The following AGAP1 variants were observed in gnomAD, a reference collection of about 807,000 sequenced individuals.
AGAP1 encodes the protein ArfGAP with GTPase domain, ankyrin repeat and PH domain 1.
In AGAP1, 29 loss-of-function variants were observed where a neutral mutation model predicts 105.3. The ratio of observed to expected loss-of-function variants is 0.28; its 90% CI spans 0.21 to 0.38. The LOEUF (loss-of-function observed/expected upper bound fraction) is 0.38, where lower values mean the gene tolerates loss of function less well. Ranked by LOEUF, AGAP1 falls within the 10% of genes least tolerant of loss-of-function variation. The pLI is 1.00. For missense variants in AGAP1, 998 were observed against 1,165.1 expected, an observed-to-expected ratio of 0.86 and a Z score of 2.09; for synonymous variants, 509 against 485.9, an observed-to-expected ratio of 1.05 and a Z score of -0.63.
chr2:235,897,098 T>G (rs2050842927), intron 10 of AGAP1, among the ~76,000 whole-genome samples: 1 of 152,206 alleles, frequency 6.6e-6, no homozygotes, highest in Non-Finnish European at 1.5e-5. Context: ...ATTTGTTTTT[T>G]TGGAGACAAA....
rs2051239189 is a variant in AGAP1 at position 235,905,051 on chromosome 2, T to C, written c.1156-3687T>C. Among the ~76,000 whole-genome samples, 1 of 152,198 alleles carries C rather than the reference T, an allele frequency of 6.6e-6. No homozygotes were observed. The highest frequency in any genetic ancestry group is 1.5e-5 in the Non-Finnish European group (1 of 68,034). On this transcript the variant is annotated intron_variant, in intron 10 of 17. Transcript: ENST00000304032. The surrounding 1 kb of genome is among the most constrained non-coding windows in gnomAD (Gnocchi z 4.2). ...AGAAAACAGATCCCTTAGCCCATGC[T>C]GAGCTAAAGATAAATGGGTTCCCTT...
rs546712053 is a variant in AGAP1 at position 236,113,627 on chromosome 2, C to T, written c.2115-6565C>T. Among the ~76,000 whole-genome samples, 13 of 152,220 alleles carry T rather than the reference C, an allele frequency of 8.5e-5. No homozygotes were observed. Among genetic ancestry groups the T allele is most frequent in the African/African-American group, 2.6e-4 (11 of 41,552 alleles). ...TATGCGGGTAGCAGGTGGGGAGTGT[C>T]CAAGAGAATTGTCTTTGGGATGGAC... On this transcript the variant is annotated intron_variant, in intron 16 of 17. Coordinates refer to ENST00000304032, the MANE Select transcript of AGAP1 (RefSeq NM_001037131.3). The surrounding 1 kb of genome is among the most constrained non-coding windows in gnomAD (Gnocchi z 4.3).
Position 236,124,424 on chromosome 2 carries a change from C to A in AGAP1, c.*302C>A. ...ATAGCACATGGCGCAGGACCCTTGTCCTGGTGGCACAAGGGATGGGGACGC... is the reference window on the plus strand; with the variant it reads ...ATAGCACATGGCGCAGGACCCTTGTACTGGTGGCACAAGGGATGGGGACGC... On this transcript the variant is annotated 3_prime_UTR_variant, in exon 18 of 18. Coordinates refer to ENST00000304032, the MANE Select transcript of AGAP1 (RefSeq NM_001037131.3). The surrounding 1 kb of genome is among the most constrained non-coding windows in gnomAD (Gnocchi z 5.1). 7.2e-6 allele frequency: 3 copies of A among 418,272 alleles called. No individual in the cohort carries two copies. In the South Asian group the frequency reaches 8.8e-5, roughly 12 times the overall value. 25.9% of individuals were successfully genotyped at this position (418,272 alleles called of 1,614,324 possible). A position where few individuals can be genotyped will look rare whatever the true frequency, so the allele number is the denominator to read the frequency against.
At position 235,512,076 on chromosome 2, in the gene AGAP1, A is replaced by T. The variant is rs970236760; in HGVS notation, c.163+17227A>T. On this transcript the variant is annotated intron_variant, in intron 1 of 17. Transcript: ENST00000304032. ...GTGTGAATGCGTATGTGTGAATGTG[A>T]ATGCGTGTGTGAATGTGTGTGTGTG... 3.3e-5 allele frequency among the ~76,000 whole-genome samples: 4 copies of T among 119,642 alleles called. No individual in the cohort carries two copies. In the Admixed American group the frequency reaches 3.6e-4, roughly 11 times the overall value. 78.5% of individuals were successfully genotyped at this position (119,642 alleles called of 152,430 possible).
intron 15 of AGAP1, among the ~76,000 whole-genome samples, chr2:236,041,838 G>A (rs1364127353): frequency 6.6e-6 from 1 of 152,190 alleles, no homozygotes; most frequent in Admixed American, 6.5e-5. Flanking sequence ...GCCATCGGGG[G>A]CATGCGGCGG....
At chr2:235,505,060 A>C (rs537395670) in intron 1 of AGAP1, among the ~76,000 whole-genome samples, 23 of 152,228 alleles carry the variant, frequency 1.5e-4, no homozygotes, top group Admixed American at 1.3e-3. Context: ...GCTGAGCCCC[A>C]AGCAGCCTCA....
rs927032906 is a variant in AGAP1, at chr2:235,963,763, G to A, written c.1484-4699G>A. The stretch of plus-strand genomic sequence containing the variant: ...ATATATGGGAGTATATGCTCAGAAC[G>A]GTCAAGCATAACTAAGGCGATAGTG... On this transcript the variant is annotated intron_variant, in intron 12 of 17. Transcript: ENST00000304032. This position sits in a 1 kb window ranked among gnomAD's most constrained non-coding sequence, Gnocchi z 5.1. 6.6e-6 allele frequency among the ~76,000 whole-genome samples: 1 copy of A among 152,062 alleles called. No homozygotes were observed. Among genetic ancestry groups the A allele is most frequent in the African/African-American group, 2.4e-5 (1 of 41,390 alleles).
rs2052693521 is a variant in AGAP1 at position 235,930,944 on chromosome 2, A to G, written c.1483+21A>G. ...CAGTGGTAAGAGGGGGCTCAGCCCCACGGACCCGCAGCCACCTCAAGGTCC... is the reference window on the plus strand; with the variant it reads ...CAGTGGTAAGAGGGGGCTCAGCCCCGCGGACCCGCAGCCACCTCAAGGTCC... On this transcript the variant is annotated intron_variant, in intron 12 of 17. Transcript: ENST00000304032. The surrounding 1 kb of genome is among the most constrained non-coding windows in gnomAD (Gnocchi z 7.9). The G allele has an allele frequency of 6.2e-7, 1 of 1,610,512 alleles. No individual in the cohort carries two copies. The highest frequency in any genetic ancestry group is 8.5e-7 in the Non-Finnish European group (1 of 1,178,140).
At chr2:235,894,634 T>TACACACACAC (rs894881918) in intron 10 of AGAP1, among the ~76,000 whole-genome samples, 3 of 24,206 alleles carry the variant, frequency 1.2e-4, no homozygotes, top group Non-Finnish European at 1.8e-4. Flanking sequence ...CATGCACATG[T>TACACACACAC]ACACACACAC....
In AGAP1 at chr2:235,662,175, G is replaced by A. The variant is rs535915805; in HGVS notation, c.164-47004G>A. Among the ~76,000 whole-genome samples the A allele has an allele frequency of 2.0e-5, 3 of 152,292 alleles. No individual in the cohort carries two copies. Among genetic ancestry groups the A allele is most frequent in the South Asian group, 4.1e-4 (2 of 4,822 alleles). On this transcript the variant is annotated intron_variant, in intron 1 of 17. Coordinates refer to ENST00000304032, the MANE Select transcript of AGAP1 (RefSeq NM_001037131.3). The surrounding 1 kb of genome is among the most constrained non-coding windows in gnomAD (Gnocchi z 4.2). ...TTTAGGGTGGAGTGGCTGTAAGGCC[G>A]TGACCAGGAAAAAAGGGACCCAGGG...
Position 236,012,127 on chromosome 2 carries a change from C to T in AGAP1, c.1646-24434C>T, listed in dbSNP as rs1283932935. 6.6e-6 allele frequency among the ~76,000 whole-genome samples: 1 copy of T among 152,080 alleles called. No individual in the cohort carries two copies. The highest frequency in any genetic ancestry group is 2.4e-5 in the African/African-American group (1 of 41,408). ...GAAGAAACAGGCACGACATTTTGCACATTAAAATGGATTATTTCATCAATA... is the reference window on the plus strand; with the variant it reads ...GAAGAAACAGGCACGACATTTTGCATATTAAAATGGATTATTTCATCAATA... On this transcript the variant is annotated intron_variant, in intron 13 of 17. Coordinates refer to ENST00000304032, the MANE Select transcript of AGAP1 (RefSeq NM_001037131.3). This position sits in a 1 kb window ranked among gnomAD's most constrained non-coding sequence, Gnocchi z 4.9.
chr2:235,591,754 G>A (rs1410708453), intron 1 of AGAP1, among the ~76,000 whole-genome samples: 2 of 152,164 alleles, frequency 1.3e-5, no homozygotes, highest in African/African-American at 4.8e-5. Context: ...GATAGTTCAT[G>A]AGAGGTCTGT....
In AGAP1 at chr2:235,994,194, T is replaced by C. The variant is rs2055691269; in HGVS notation, c.1645+25571T>C. On this transcript the variant is annotated intron_variant, in intron 13 of 17. Coordinates refer to ENST00000304032, the MANE Select transcript of AGAP1 (RefSeq NM_001037131.3). The surrounding 1 kb of genome is among the most constrained non-coding windows in gnomAD (Gnocchi z 4.4). ...TGTGTCCTTTTTAAGAGTCTTGTCG[T>C]TTCATACTCTCATTTTGGCAAGACA... Among the ~76,000 whole-genome samples the C allele has an allele frequency of 6.6e-6, 1 of 152,116 alleles. No individual in the cohort carries two copies. Among genetic ancestry groups the C allele is most frequent in the South Asian group, 2.1e-4 (1 of 4,806 alleles).
At position 236,035,125 on chromosome 2, in the gene AGAP1, G is replaced by C. The variant is rs958424078; in HGVS notation, c.1646-1436G>C. Among the ~76,000 whole-genome samples, 7 of 152,216 alleles carry C rather than the reference G, an allele frequency of 4.6e-5. No homozygotes were observed. Among genetic ancestry groups the C allele is most frequent in the Non-Finnish European group, 7.3e-5 (5 of 68,040 alleles). Reference sequence around the variant, plus strand: ...TTGGAAGCTGGGCTAGAGGGACCAAGAGTCTGGAAGATCAGAGGTCCGTGC... The same window carrying C: ...TTGGAAGCTGGGCTAGAGGGACCAACAGTCTGGAAGATCAGAGGTCCGTGC... On this transcript the variant is annotated intron_variant, in intron 13 of 17. Transcript: ENST00000304032. The surrounding 1 kb of genome is among the most constrained non-coding windows in gnomAD (Gnocchi z 4.2).
Position 236,002,413 on chromosome 2 carries a change from G to T in AGAP1, c.1645+33790G>T, listed in dbSNP as rs1162609038. Among the ~76,000 whole-genome samples the T allele has an allele frequency of 1.3e-5, 2 of 152,150 alleles. No homozygotes were observed. The highest frequency in any genetic ancestry group is 2.9e-5 in the Non-Finnish European group (2 of 68,042). ...CTCACTCTCTTCCAAGTATCTGATTGCACGCATGTGCACATGTGTGAGTAG... is the reference window on the plus strand; with the variant it reads ...CTCACTCTCTTCCAAGTATCTGATTTCACGCATGTGCACATGTGTGAGTAG... On this transcript the variant is annotated intron_variant, in intron 13 of 17. Coordinates refer to ENST00000304032, the MANE Select transcript of AGAP1 (RefSeq NM_001037131.3). This position sits in a 1 kb window ranked among gnomAD's most constrained non-coding sequence, Gnocchi z 4.3.
At chr2:235,708,793 A>T (rs537144492) in intron 1 of AGAP1, among the ~76,000 whole-genome samples, 2 of 152,356 alleles carry the variant, frequency 1.3e-5, no homozygotes, top group Admixed American at 1.3e-4. Context: ...CTATAACAGA[A>T]TCACTCCTCG....
intron 2 of AGAP1, among the ~76,000 whole-genome samples, chr2:235,715,065 G>A (rs994946355): frequency 9.2e-5 from 14 of 152,286 alleles, no homozygotes; most frequent in African/African-American, 2.4e-4. Context: ...CCAAAGTGCC[G>A]GGATTACAGG....
In AGAP1 at chr2:235,556,004, T is replaced by G. The variant is rs1943961333; in HGVS notation, c.163+61155T>G. Among the ~76,000 whole-genome samples, 1 of 152,186 alleles carries G rather than the reference T, an allele frequency of 6.6e-6. No homozygotes were observed. The highest frequency in any genetic ancestry group is 6.5e-5 in the Admixed American group (1 of 15,284). On this transcript the variant is annotated intron_variant, in intron 1 of 17. Coordinates refer to ENST00000304032, the MANE Select transcript of AGAP1 (RefSeq NM_001037131.3). The surrounding 1 kb of genome is among the most constrained non-coding windows in gnomAD (Gnocchi z 5.3). The stretch of plus-strand genomic sequence containing the variant: ...TGTAGACCTATCTGCTGTGTCCTTG[T>G]GTTTCTGCCTGTGGGGCACGTGGGA...
intron 1 of AGAP1, among the ~76,000 whole-genome samples, chr2:235,688,955 C>G (rs955957241): frequency 6.6e-6 from 1 of 152,194 alleles, no homozygotes; most frequent in Non-Finnish European, 1.5e-5. Context: ...GTGTAACGTT[C>G]GCCAAGCTGG....
Sources: allele counts gnomAD v4.1 joint callset (sites outside exome capture counted in the v4.1 genomes callset), GRCh38; gene constraint gnomAD v4.1.1; non-coding constraint Gnocchi (gnomAD v3.1); transcripts MANE v1.5; gene names NCBI Gene and HGNC (gene_info 2026-07-23, HGNC 2026-07-21).